The following SLC2A5 variants were observed in gnomAD, a reference collection of about 807,000 sequenced individuals.
SLC2A5 encodes the protein solute carrier family 2 member 5.
SLC2A5 carries 56 observed loss-of-function variants against 50.3 expected under a neutral mutation model. The observed-to-expected ratio is 1.11, with a 90% CI of 0.90 to 1.39. The LOEUF (loss-of-function observed/expected upper bound fraction) is 1.39. Ranked by LOEUF, SLC2A5 falls within the 40% of genes most tolerant of loss-of-function variation. The pLI is 0.00. For missense variants in SLC2A5, 566 were observed against 650.1 expected, an observed-to-expected ratio of 0.87 and a Z score of 1.41; for synonymous variants, 269 against 281.9, an observed-to-expected ratio of 0.95 and a Z score of 0.46.
chr1:9,082,862 A>G, intron 2 of SLC2A5: 1 of 348,092 alleles, frequency 2.9e-6, no homozygotes, highest in Non-Finnish European at 5.5e-6. Context: ...ATGATCATGT[A>G]TGGTACTGCA....
chr1:9,094,042 T>C, the SLC2A5 span, among the ~76,000 whole-genome samples: 1 of 152,240 alleles, frequency 6.6e-6, no homozygotes, highest in East Asian at 1.9e-4. Context: ...ACACGCCCCT[T>C]TTACAACAAG....
upstream of SLC2A5, among the ~76,000 whole-genome samples, chr1:9,070,875 A>G (rs570935147): frequency 2.0e-5 from 3 of 152,068 alleles, no homozygotes; most frequent in East Asian, 1.9e-4. Context: ...GGGGGTCCCT[A>G]TTCACAAGGG....
chr1:9,037,603 C>G lies in SLC2A5; in HGVS notation c.1489G>C (p.Val497Leu). 1 of 1,613,930 alleles carries G rather than the reference C, an allele frequency of 6.2e-7. No individual in the cohort carries two copies. Among genetic ancestry groups the G allele is most frequent in the Non-Finnish European group, 8.5e-7 (1 of 1,179,938 alleles). The change falls in exon 12 of 12, where the codon GTC becomes CTC. Residue 497 changes from valine to leucine, a missense_variant. By Grantham distance (32) the Val-to-Leu change is conservative. Transcript: ENST00000377424. ...CTCCAGAGTCACTGTTCCGAAGTGA[C>G]AGGTGGAAGCTCTTTCAGTTCCTCC... ...EKEELKELPP[V>L]TSEQ
chr1:9,084,953 G>T (rs1557686705), intron 2 of SLC2A5: 3 of 152,340 alleles, frequency 2.0e-5, no homozygotes, highest in African/African-American at 7.2e-5. Flanking sequence ...TTTCCTGAAT[G>T]TGGCGCATCA....
At chr1:9,072,460 C>G (rs962124452), upstream of SLC2A5, 1 of 152,176 alleles carries the variant, frequency 6.6e-6, no homozygotes, top group East Asian at 1.9e-4. Context: ...GACAAGAGAC[C>G]GCTGGATTTG....
At chr1:9,052,974 AT>A (rs70985573) in intron 3 of SLC2A5, among the ~76,000 whole-genome samples, 93,857 of 133,834 alleles carry the variant, frequency 0.7, 33,324 homozygotes, top group Non-Finnish European at 0.77. Context: ...TCAAAAAAAA[AT>A]ATATATATAT....
At chr1:9,044,153 A>G (rs1264753262) in intron 4 of SLC2A5, among the ~76,000 whole-genome samples, 1 of 150,722 alleles carries the variant, frequency 6.6e-6, no homozygotes, top group Non-Finnish European at 1.5e-5. Context: ...ACATGGTGAA[A>G]CCCCATCTCT....
intron 3 of SLC2A5, among the ~76,000 whole-genome samples, chr1:9,051,508 C>T (rs1641577268): frequency 6.6e-6 from 1 of 152,134 alleles, no homozygotes; most frequent in Admixed American, 6.6e-5. Flanking sequence ...ACAGACACCT[C>T]ACCAAGATAC....
chr1:9,039,973 G>A lies in SLC2A5; in HGVS notation c.712C>T (p.Arg238Cys), dbSNP rs754707926. 1.2e-5 allele frequency: 19 copies of A among 1,611,372 alleles called. No homozygotes were observed. Among genetic ancestry groups the A allele is most frequent in the South Asian group, 4.4e-5 (4 of 90,892 alleles). The change falls in exon 7 of 12, where the codon CGC becomes TGC. Residue 238 changes from arginine to cysteine, a missense_variant. By Grantham distance (180) the Arg-to-Cys change is radical (BLOSUM62 -3). Transcript: ENST00000377424. The part of the protein sequence containing the change: ...AAAKKALQTL[R>C]GWDSVDREVA... ...TCCCTGTCCACAGAGTCCCAGCCGC[G>A]CAGCGTCTGTAGGGCTGGGGAGAAG...
chr1:9,086,208 A>G (rs1426863628), intron 1 of SLC2A5, among the ~76,000 whole-genome samples: 1 of 152,176 alleles, frequency 6.6e-6, no homozygotes, highest in Non-Finnish European at 1.5e-5. Flanking sequence ...CTGAAGTGTA[A>G]CTGCCCGATG....
intron 3 of SLC2A5, among the ~76,000 whole-genome samples, chr1:9,048,419 C>T (rs775277791): frequency 6.6e-5 from 10 of 151,794 alleles, no homozygotes; most frequent in Non-Finnish European, 1.3e-4. Flanking sequence ...GGCTGAGGCA[C>T]GAGAATTGCT....
intron 4 of SLC2A5, among the ~76,000 whole-genome samples, chr1:9,044,940 G>A (rs1412062696): frequency 1.3e-5 from 2 of 152,172 alleles, no homozygotes; most frequent in Non-Finnish European, 2.9e-5. Flanking sequence ...GTGAAAAACT[G>A]TTGGCAAATG....
Position 9,036,384 on chromosome 1 carries a change from G to A in SLC2A5, c.*1202C>T, listed in dbSNP as rs1021783222. ...GGGATCTCACTGTGTTGCCCAGGCT[G>A]GAGTATAGGGTGCAATTTCAGCTCA... On this transcript the variant is annotated 3_prime_UTR_variant, in exon 12 of 12. Coordinates refer to ENST00000377424, the MANE Select transcript of SLC2A5 (RefSeq NM_003039.3). The A allele has an allele frequency of 6.6e-6, 1 of 152,092 alleles. No individual in the cohort carries two copies. Among genetic ancestry groups the A allele is most frequent in the Non-Finnish European group, 1.5e-5 (1 of 68,040 alleles). 9.4% of individuals were successfully genotyped at this position (152,092 alleles called of 1,614,324 possible).
chr1:9,068,191 A>AC (rs1642132485), intron 1 of SLC2A5, among the ~76,000 whole-genome samples: 1 of 120,230 alleles, frequency 8.3e-6, no homozygotes, highest in Non-Finnish European at 1.7e-5. Flanking sequence ...CTCTGTGTCA[A>AC]AAAAAAAAAA....
chr1:9,058,261 C>A lies in SLC2A5; in HGVS notation c.34-11G>T. On this transcript the variant is annotated splice_polypyrimidine_tract_variant and intron_variant, in intron 1 of 11. Transcript: ENST00000377424. ...CACAAGCGTCAGCCTCTGCAGAGAT[C>A]ACAGCTTAGGTCAGGAAGCAGCCCC... The A allele has an allele frequency of 6.2e-7, 1 of 1,608,296 alleles. No individual in the cohort carries two copies. Among genetic ancestry groups the A allele is most frequent in the South Asian group, 1.1e-5 (1 of 90,924 alleles).
intron 1 of SLC2A5, among the ~76,000 whole-genome samples, chr1:9,087,038 A>T (rs1379880599): frequency 6.6e-6 from 1 of 152,146 alleles, no homozygotes; most frequent in Non-Finnish European, 1.5e-5. Context: ...ACATAGAAAC[A>T]TTCCGAATCT....
chr1:9,050,990 A>G lies in SLC2A5; in HGVS notation c.294-3256T>C, dbSNP rs537781986. Among the ~76,000 whole-genome samples the G allele has an allele frequency of 2.6e-5, 4 of 152,302 alleles. No individual in the cohort carries two copies. In the South Asian group the frequency reaches 8.3e-4, roughly 32 times the overall value. ...TCCAGGGAGGAAGAGGTAAACCAAC[A>G]ATTCTGGTCTGAAGTTGCTCACGTG... On this transcript the variant is annotated intron_variant, in intron 3 of 11. Coordinates refer to ENST00000377424, the MANE Select transcript of SLC2A5 (RefSeq NM_003039.3).
intron 2 of SLC2A5, among the ~76,000 whole-genome samples, chr1:9,084,055 C>A (rs1161844673): frequency 3.3e-5 from 5 of 150,306 alleles, no homozygotes; most frequent in Non-Finnish European, 5.9e-5. Context: ...GAGGCAGGAG[C>A]ATGGCGTGAA....
rs191194369 is a variant in SLC2A5, at chr1:9,038,509, G to T, written c.1099-3C>A. On this transcript the variant is annotated splice_polypyrimidine_tract_variant and splice_region_variant and intron_variant, in intron 9 of 11. Transcript: ENST00000377424. The stretch of plus-strand genomic sequence containing the variant: ...TATGGCATCCAGGACACTGTGTCCT[G>T]TGGAGAGAAAGCAGTTGGTTCACCT... The T allele has an allele frequency of 5.4e-4, 874 of 1,611,602 alleles. 6 individuals are homozygous for T. The African/African-American group carries it at 0.011, about 20-fold the overall frequency.
Sources: allele counts gnomAD v4.1 joint callset (sites outside exome capture counted in the v4.1 genomes callset), GRCh38; gene constraint gnomAD v4.1.1; transcripts MANE v1.5; gene names NCBI Gene and HGNC (gene_info 2026-07-23, HGNC 2026-07-21).